The following NPNT variants were observed in gnomAD, a reference collection of about 807,000 sequenced individuals.
NPNT encodes nephronectin, also known as preosteoblast EGF-like repeat protein with MAM domain.
A neutral mutation model predicts 68.6 loss-of-function variants in NPNT; 45 were observed. That is an observed-to-expected ratio of 0.66 (90% confidence interval 0.52 to 0.84). NPNT has a LOEUF of 0.84. Ranked by LOEUF, NPNT falls within the 40% of genes least tolerant of loss-of-function variation. NPNT has a pLI of 0.00. For missense variants in NPNT, 672 were observed against 714.8 expected (o/e 0.94, Z 0.68); for synonymous variants, 233 against 253.3 (o/e 0.92, Z 0.76).
At chr4:105,941,187 T>A (rs1304519801) in intron 7 of NPNT, among the ~76,000 whole-genome samples, 1 of 151,894 alleles carries the variant, frequency 6.6e-6, no homozygotes, top group East Asian at 1.9e-4. Flanking sequence ...AAAAAAAATT[T>A]AGAAATTAGC....
At chr4:105,967,836 A>G (rs920297417) in intron 11 of NPNT, among the ~76,000 whole-genome samples, 3 of 152,044 alleles carry the variant, frequency 2.0e-5, no homozygotes, top group African/African-American at 7.2e-5. Context: ...TTTTACTACC[A>G]TAAATTACCC....
chr4:105,960,483 T>G (rs1172124815), intron 10 of NPNT, among the ~76,000 whole-genome samples: 1 of 152,132 alleles, frequency 6.6e-6, no homozygotes, highest in Admixed American at 6.5e-5. Context: ...AAAAAATTAG[T>G]CCAAAAATAT....
intron 9 of NPNT, 41 bp from the exon 10 acceptor site, chr4:105,958,987 G>A: frequency 7.7e-7 from 1 of 1,304,704 alleles, no homozygotes; most frequent in South Asian, 1.2e-5. Context: ...GTTTTTTGTT[G>A]ATTTTCTGAT....
chr4:105,912,686 C>A, intron 2 of NPNT: 3 of 398,708 alleles, frequency 7.5e-6, no homozygotes, highest in Non-Finnish European at 1.0e-5. Flanking sequence ...AATATGTTAT[C>A]AGTTATAATA....
chr4:105,943,089 A>G (rs1373167361), intron 8 of NPNT, among the ~76,000 whole-genome samples: 3 of 152,322 alleles, frequency 2.0e-5, no homozygotes, highest in East Asian at 1.9e-4. Flanking sequence ...TAGAGTGTCA[A>G]GAAGGCCTTG....
At chr4:105,914,367 C>CTATA (rs202153772) in intron 2 of NPNT, among the ~76,000 whole-genome samples, 1 of 134,494 alleles carries the variant, frequency 7.4e-6, no homozygotes, top group African/African-American at 2.8e-5. Flanking sequence ...CTCTCTCTCT[C>CTATA]TCTCTCTATA....
chr4:105,925,418 T>G (rs1041228445), intron 2 of NPNT, among the ~76,000 whole-genome samples: 1 of 152,002 alleles, frequency 6.6e-6, no homozygotes, highest in African/African-American at 2.4e-5. Context: ...GAAGTAAAAT[T>G]AGCAAAGAGG....
In NPNT at chr4:105,966,661, C is replaced by T. The variant is rs149881570; in HGVS notation, c.1346-527C>T. 1.4e-3 allele frequency among the ~76,000 whole-genome samples: 211 copies of T among 150,732 alleles called. 1 individual carries two copies. Among genetic ancestry groups the T allele is most frequent in the African/African-American group, 4.7e-3 (192 of 40,612 alleles). On this transcript the variant is annotated intron_variant, in intron 10 of 11. Transcript: ENST00000379987. ...TGATTTTTTTTTTAAAGAACCTTTACGTTTAGAGATTTTTTTTTTTTAAGT... is the reference window on the plus strand; with the variant it reads ...TGATTTTTTTTTTAAAGAACCTTTATGTTTAGAGATTTTTTTTTTTTAAGT...
At chr4:105,942,187 ATAT>A in intron 7 of NPNT, 117 bp from the exon 8 acceptor site, 2 of 669,544 alleles carry the variant, frequency 3.0e-6, no homozygotes, top group Non-Finnish European at 5.1e-6. Flanking sequence ...ACAGTAGGTA[ATAT>A]TCTAAATGTG....
intron 3 of NPNT, among the ~76,000 whole-genome samples, chr4:105,930,573 A>C (rs1448488820): frequency 6.6e-6 from 1 of 152,230 alleles, no homozygotes; most frequent in Non-Finnish European, 1.5e-5. Flanking sequence ...TATGCTTCAC[A>C]GATAAGGGAA....
chr4:105,926,175 C>G (rs114852672), intron 2 of NPNT, among the ~76,000 whole-genome samples: 20 of 152,218 alleles, frequency 1.3e-4, no homozygotes, highest in Non-Finnish European at 1.9e-4. Context: ...GCTTTCTGCA[C>G]GTATGTATAT....
intron 2 of NPNT, among the ~76,000 whole-genome samples, chr4:105,918,804 A>G (rs1206712644): frequency 6.6e-6 from 1 of 152,126 alleles, no homozygotes; most frequent in Non-Finnish European, 1.5e-5. Context: ...CATAATTAGC[A>G]TTTTATTGAG....
At chr4:105,959,638 G>T (rs545187648) in intron 10 of NPNT, among the ~76,000 whole-genome samples, 1 of 151,100 alleles carries the variant, frequency 6.6e-6, no homozygotes, top group African/African-American at 2.4e-5. Context: ...TGAAGGAAAT[G>T]GTTACGAATC....
intron 8 of NPNT, among the ~76,000 whole-genome samples, chr4:105,955,061 T>C (rs1650783875): frequency 6.6e-6 from 1 of 152,208 alleles, no homozygotes; most frequent in South Asian, 2.1e-4. Context: ...GGACAGATGG[T>C]GGAGGAATTG....
intron 2 of NPNT, among the ~76,000 whole-genome samples, chr4:105,911,325 T>A (rs538419247): frequency 1.3e-5 from 2 of 152,226 alleles, no homozygotes; most frequent in East Asian, 1.9e-4. Flanking sequence ...GGACTTAGAA[T>A]TTTTTTCTTC....
intron 8 of NPNT, among the ~76,000 whole-genome samples, chr4:105,957,016 G>C (rs769361654): frequency 6.6e-6 from 1 of 152,084 alleles, no homozygotes; most frequent in Admixed American, 6.6e-5. Flanking sequence ...TAGGAACATC[G>C]TTGAAAAAAG....
intron 10 of NPNT, among the ~76,000 whole-genome samples, chr4:105,961,127 C>T (rs2149405116): frequency 6.6e-6 from 1 of 152,188 alleles, no homozygotes; most frequent in East Asian, 1.9e-4. Flanking sequence ...TTCCTAAGGC[C>T]ACAGAGCTAG....
At chr4:105,963,729 G>A (rs1731912729) in intron 10 of NPNT, among the ~76,000 whole-genome samples, 1 of 150,730 alleles carries the variant, frequency 6.6e-6, no homozygotes, top group Non-Finnish European at 1.5e-5. Flanking sequence ...GCCACTGATA[G>A]CTACAAGGAA....
intron 2 of NPNT, among the ~76,000 whole-genome samples, chr4:105,924,038 C>T (rs1728480824): frequency 6.8e-6 from 1 of 146,272 alleles, no homozygotes; most frequent in African/African-American, 2.6e-5. Context: ...CCCTTTGCTG[C>T]GCCCCCCCCC....
Sources: gnomAD v4.1 joint callset for allele counts (sites outside exome capture counted in the v4.1 genomes callset) on GRCh38, gnomAD v4.1.1 for gene constraint, MANE v1.5 for transcripts, NCBI Gene and HGNC (gene_info 2026-07-23, HGNC 2026-07-21) for gene names.